The following UNC13C variants were observed in gnomAD, a reference collection of about 807,000 sequenced individuals.
UNC13C encodes unc-13 homolog C.
UNC13C carries 174 observed loss-of-function variants against 245.4 expected under a neutral mutation model. The observed-to-expected ratio is 0.71, with a 90% CI of 0.63 to 0.80. The LOEUF (loss-of-function observed/expected upper bound fraction) is 0.80. UNC13C is among the 30% of genes least tolerant of loss of function. The pLI, the probability that UNC13C is intolerant of heterozygous loss-of-function variation, is 0.00. For synonymous variants in UNC13C, 992 were observed against 895.1 expected (o/e 1.11, Z -1.93); for missense variants, 2,829 against 2,602.9 (o/e 1.09, Z -1.89).
intron 13 of UNC13C, among the ~76,000 whole-genome samples, chr15:54,302,605 G>A (rs7181908): frequency 0.37 from 55,988 of 151,906 alleles, 11,235 homozygotes; most frequent in African/African-American, 0.54. Context: ...AGTTGTAGAT[G>A]TGTGGCGTTA....
At chr15:54,631,041 T>C (rs1901448254), downstream of UNC13C, 1 of 152,140 alleles carries the variant, frequency 6.6e-6, no homozygotes, top group South Asian at 2.1e-4. Flanking sequence ...AATGCTTAGT[T>C]GTCTATTTTA....
chr15:53,956,905 T>TGTGTGTGTGTGC, the UNC13C span, among the ~76,000 whole-genome samples: 9 of 151,392 alleles, frequency 5.9e-5, no homozygotes, highest in East Asian at 3.9e-4. Context: ...TGTGTGTGTG[T>TGTGTGTGTGTGC]GCATGCACAC....
intron 13 of UNC13C, among the ~76,000 whole-genome samples, chr15:54,316,516 C>T (rs938461683): frequency 1.3e-5 from 2 of 151,924 alleles, no homozygotes; most frequent in Admixed American, 6.6e-5. Context: ...AACTGAGTGT[C>T]TTCATAGCAC....
intron 4 of UNC13C, among the ~76,000 whole-genome samples, chr15:54,172,741 T>A (rs1350808766): frequency 1.5e-4 from 11 of 73,628 alleles, no homozygotes; most frequent in South Asian, 8.7e-4. Context: ...TATATATATA[T>A]ATATATATAT....
intron 28 of UNC13C, among the ~76,000 whole-genome samples, chr15:54,553,027 C>A: frequency 1.1e-5 from 1 of 92,238 alleles, no homozygotes; most frequent in African/African-American, 4.2e-5. Context: ...TTCTATATTA[C>A]AATATATAAT....
the UNC13C span, among the ~76,000 whole-genome samples, chr15:53,943,285 T>G: frequency 6.6e-6 from 1 of 152,212 alleles, no homozygotes; most frequent in African/African-American, 2.4e-5. Context: ...TTATCCATAC[T>G]TAAGACAAAA....
At chr15:54,328,631 T>C (rs1271835756) in intron 14 of UNC13C, among the ~76,000 whole-genome samples, 1 of 151,942 alleles carries the variant, frequency 6.6e-6, no homozygotes, top group Non-Finnish European at 1.5e-5. Context: ...GCAGAGGTTA[T>C]CATACCCCTT....
intron 18 of UNC13C, among the ~76,000 whole-genome samples, chr15:54,408,227 A>AAAAAAAAAAAT (rs1455060309): frequency 6.9e-6 from 1 of 145,684 alleles, no homozygotes; most frequent in African/African-American, 2.6e-5. Context: ...AAAAAAAAAA[A>AAAAAAAAAAAT]AACATGGGCA....
the UNC13C span, among the ~76,000 whole-genome samples, chr15:53,867,526 G>GCA: frequency 6.6e-6 from 1 of 152,126 alleles, no homozygotes; most frequent in Non-Finnish European, 1.5e-5. Context: ...AAGGCTCGAG[G>GCA]TATCCACTGA....
intron 10 of UNC13C, among the ~76,000 whole-genome samples, chr15:54,271,027 C>A (rs926412247): frequency 6.6e-6 from 1 of 152,122 alleles, no homozygotes; most frequent in Non-Finnish European, 1.5e-5. Flanking sequence ...CACTTTAATG[C>A]CCTCTAGAGA....
intron 2 of UNC13C, among the ~76,000 whole-genome samples, chr15:54,054,817 T>TG (rs1490244449): frequency 1.3e-5 from 2 of 152,076 alleles, no homozygotes; most frequent in Admixed American, 1.3e-4. Context: ...TTTATTTTTT[T>TG]TTGTTTGTTT....
chr15:54,503,834 A>G (rs1221696181), intron 22 of UNC13C, among the ~76,000 whole-genome samples: 2 of 152,184 alleles, frequency 1.3e-5, no homozygotes, highest in Non-Finnish European at 2.9e-5. Context: ...TAAGTATTGG[A>G]ATCCTTATAT....
rs554503218 is a variant in UNC13C, at chr15:54,429,768, C to T, written c.4933+14701C>T. 1.2e-3 allele frequency among the ~76,000 whole-genome samples: 179 copies of T among 151,612 alleles called. 1 individual carries two copies. The highest frequency in any genetic ancestry group is 4.1e-3 in the African/African-American group (170 of 41,464). On this transcript the variant is annotated intron_variant, in intron 19 of 32. Coordinates refer to ENST00000260323, the MANE Select transcript of UNC13C (RefSeq NM_001080534.3). The stretch of plus-strand genomic sequence containing the variant: ...TGAAGGCAGTGTAATGACAGCATTG[C>T]CATTTTGCTATTCCTTTAATTTATT...
At chr15:54,618,253 G>A (rs950344910) in intron 30 of UNC13C, among the ~76,000 whole-genome samples, 1 of 152,108 alleles carries the variant, frequency 6.6e-6, no homozygotes, top group Non-Finnish European at 1.5e-5. Context: ...AGCTCTTTGA[G>A]CTTCCTGCCC....
chr15:53,895,451 G>A, the UNC13C span, among the ~76,000 whole-genome samples: 2 of 151,330 alleles, frequency 1.3e-5, no homozygotes, highest in African/African-American at 2.4e-5. Flanking sequence ...CTACTACTGC[G>A]TAAATCTTAG....
intron 25 of UNC13C, among the ~76,000 whole-genome samples, chr15:54,529,081 A>T (rs1053178592): frequency 1.3e-5 from 2 of 152,206 alleles, no homozygotes; most frequent in South Asian, 4.1e-4. Context: ...AAATGAGACA[A>T]ATTCAAAGGG....
chr15:54,383,185 A>G (rs1005891752), intron 17 of UNC13C, among the ~76,000 whole-genome samples: 4 of 152,212 alleles, frequency 2.6e-5, no homozygotes, highest in African/African-American at 9.6e-5. Context: ...CTCCCTACTC[A>G]TTCTATGAGG....
intron 2 of UNC13C, among the ~76,000 whole-genome samples, chr15:54,133,381 A>G (rs1038068195): frequency 1.3e-5 from 2 of 152,164 alleles, no homozygotes; most frequent in African/African-American, 4.8e-5. Context: ...ACCATGCAGC[A>G]TGGTTGAATA....
chr15:53,867,802 C>T, the UNC13C span, among the ~76,000 whole-genome samples: 1 of 152,178 alleles, frequency 6.6e-6, no homozygotes, highest in African/African-American at 2.4e-5. Flanking sequence ...TCTTGCCTTT[C>T]TTGTTCAAGG....
Sources: allele counts gnomAD v4.1 joint callset (sites outside exome capture counted in the v4.1 genomes callset), GRCh38; gene constraint gnomAD v4.1.1; transcripts MANE v1.5; gene names NCBI Gene and HGNC (gene_info 2026-07-23, HGNC 2026-07-21).